BMP8B: variants seen among roughly 807,000 people sequenced by gnomAD.
BMP8B encodes bone morphogenetic protein 8b.
Under a neutral mutation model 30.3 loss-of-function variants are expected in BMP8B, and 17 were observed. The observed-to-expected ratio is 0.56, with a 90% confidence interval of 0.38 to 0.84. The LOEUF (loss-of-function observed/expected upper bound fraction) is 0.84. Ranked by LOEUF, BMP8B falls within the 40% of genes least tolerant of loss-of-function variation. The probability of loss-of-function intolerance (pLI) is 0.00; values close to 1 mark genes in which losing one functional copy is unlikely to be tolerated. For missense variants in BMP8B, 253 were observed against 494.6 expected (o/e 0.51, Z 4.63); for synonymous variants, 131 against 214.7 (o/e 0.61, Z 3.41).
In BMP8B at chr1:39,774,936, A is replaced by C. The variant is rs1650115816; in HGVS notation, c.437T>G (p.Phe146Cys). Residue 146 changes from phenylalanine to cysteine, a missense_variant, in exon 2 of 7, where the codon TTC becomes TGC. Physicochemically the swap from Phe to Cys is radical, Grantham distance 205. Coordinates refer to ENST00000372827, the MANE Select transcript of BMP8B (RefSeq NM_001720.5). ...PAGEAVTAAE[F>C]RIYKVPSIHL... ...GATGCTGGGCACCTTGTAAATCCGGAACTCCGCAGCTGTGACCGCCTCCCC... is the reference window on the plus strand; with the variant it reads ...GATGCTGGGCACCTTGTAAATCCGGCACTCCGCAGCTGTGACCGCCTCCCC... 3 of 1,198,828 alleles carry C rather than the reference A, an allele frequency of 2.5e-6. No homozygotes were observed. Among genetic ancestry groups the C allele is most frequent in the Admixed American group, 2.2e-5 (1 of 46,154 alleles). 74.3% of individuals were successfully genotyped at this position (1,198,828 alleles called of 1,614,324 possible).
At chr1:39,775,818 C>A (rs1468000467) in intron 1 of BMP8B, among the ~76,000 whole-genome samples, 2 of 152,058 alleles carry the variant, frequency 1.3e-5, no homozygotes, top group East Asian at 1.9e-4. Flanking sequence ...CCCAGAGAGG[C>A]CAGTCAGGTG....
chr1:39,787,709 C>G (rs952439942), intron 1 of BMP8B, among the ~76,000 whole-genome samples: 2 of 152,142 alleles, frequency 1.3e-5, no homozygotes, highest in African/African-American at 4.8e-5. Context: ...ACTCAGGGCA[C>G]GCGACTCAGC....
In BMP8B at chr1:39,763,171, G is replaced by A. The variant is rs1233086770; in HGVS notation, c.980C>T (p.Ala327Val). ...GGAGCACTCCCCCTCACAGTAATAG[G>A]CCGAGTAGCCTTGGGGAGCGATGAC... ...DWVIAPQGYS[A>V]YYCEGECSFP... The change falls in exon 6 of 7, where the codon GCC (alanine) becomes GTC (valine). Residue 327 changes from alanine to valine, a missense_variant. Ala to Val is a moderately conservative substitution (Grantham distance 64, BLOSUM62 0). This residue lies in a region of BMP8B where 116 missense variants were observed against 142.3 expected (regional missense o/e 0.81). Coordinates refer to ENST00000372827, the MANE Select transcript of BMP8B (RefSeq NM_001720.5). 6.2e-7 allele frequency: 1 copy of A among 1,613,840 alleles called. No homozygotes were observed. Among genetic ancestry groups the A allele is most frequent in the Admixed American group, 1.7e-5 (1 of 60,006 alleles).
chr1:39,768,584 G>C (rs1649751766), intron 3 of BMP8B, among the ~76,000 whole-genome samples: 1 of 149,918 alleles, frequency 6.7e-6, no homozygotes. Flanking sequence ...AAGAAGGCTG[G>C]GTGCAATGGC....
In BMP8B at chr1:39,759,067, C is replaced by T. The variant is rs905636981; in HGVS notation, c.*1352G>A. On this transcript the variant is annotated 3_prime_UTR_variant, in exon 7 of 7. Transcript: ENST00000372827. ...ATGACACGGTTTGGGCAGCTGGACT[C>T]TGTCTATTCCAGCAGGTAAATTACA... 16 of 152,260 alleles carry T rather than the reference C, an allele frequency of 1.1e-4. No individual in the cohort carries two copies. The highest frequency in any genetic ancestry group is 3.9e-4 in the African/African-American group (16 of 41,460). 9.4% of individuals were successfully genotyped at this position (152,260 alleles called of 1,614,324 possible).
intron 6 of BMP8B, 112 bp from the exon 7 acceptor site, chr1:39,760,680 C>T: frequency 7.4e-7 from 1 of 1,343,638 alleles, no homozygotes; most frequent in African/African-American, 1.5e-5. Context: ...CTCCAGGCCA[C>T]ATGGGAGCAG....
intron 1 of BMP8B, among the ~76,000 whole-genome samples, chr1:39,786,432 C>T (rs1186590099): frequency 6.6e-6 from 1 of 152,202 alleles, no homozygotes; most frequent in East Asian, 1.9e-4. Context: ...CACCAGGCAC[C>T]TCATTTTACA....
At chr1:39,762,728 G>A (rs1165434477) in intron 6 of BMP8B, 52 of 1,431,538 alleles carry the variant, frequency 3.6e-5, no homozygotes, top group South Asian at 2.9e-5. Flanking sequence ...CGTACTCGGC[G>A]GCCCGTGTGC....
chr1:39,779,174 G>A lies in BMP8B; in HGVS notation c.335-4136C>T, dbSNP rs371689159. 6.5e-4 allele frequency among the ~76,000 whole-genome samples: 99 copies of A among 152,316 alleles called. 2 individuals carry two copies. In the South Asian group the frequency reaches 0.012, roughly 18 times the overall value. On this transcript the variant is annotated intron_variant, in intron 1 of 6. Coordinates refer to ENST00000372827, the MANE Select transcript of BMP8B (RefSeq NM_001720.5). ...TATCAACAGACACCCGAGAATGCCCGTGAAGCCACCTTCCTCCAGGCAGGG... is the reference window on the plus strand; with the variant it reads ...TATCAACAGACACCCGAGAATGCCCATGAAGCCACCTTCCTCCAGGCAGGG...
intron 3 of BMP8B, chr1:39,770,906 C>T: frequency 1.1e-6 from 1 of 901,522 alleles, no homozygotes; most frequent in Non-Finnish European, 1.7e-6. Flanking sequence ...GGTGTTCTCG[C>T]CCACGTAGGA....
In BMP8B at chr1:39,783,285, C is replaced by T. The variant is rs112586907; in HGVS notation, c.334+4867G>A. ...TATCTGCTCCTGTGGGTCTGTGCAT[C>T]CAGGACCCGGGGCCAGTCACTTACA... is the stretch of plus-strand genomic sequence containing the variant. On this transcript the variant is annotated intron_variant, in intron 1 of 6. Transcript: ENST00000372827. Among the ~76,000 whole-genome samples the T allele has an allele frequency of 5.9e-5, 9 of 152,252 alleles. 1 individual carries two copies. Among genetic ancestry groups the T allele is most frequent in the African/African-American group, 2.2e-4 (9 of 41,546 alleles).
At chr1:39,778,041 C>T (rs990161857) in intron 1 of BMP8B, among the ~76,000 whole-genome samples, 5 of 152,258 alleles carry the variant, frequency 3.3e-5, no homozygotes, top group East Asian at 3.9e-4. Context: ...CTTGGAGGGC[C>T]GGGACGGAGC....
intron 3 of BMP8B, among the ~76,000 whole-genome samples, chr1:39,765,204 C>G: frequency 6.7e-6 from 1 of 149,036 alleles, no homozygotes; most frequent in Non-Finnish European, 1.5e-5. Flanking sequence ...AGTCCTACTG[C>G]CAGTGACTCC....
At chr1:39,783,016 TGAACTCC>T (rs1054391673) in intron 1 of BMP8B, among the ~76,000 whole-genome samples, 32 of 152,218 alleles carry the variant, frequency 2.1e-4, no homozygotes, top group African/African-American at 7.5e-4. Flanking sequence ...AGGCTGGTCT[TGAACTCC>T]TGACCTCAAG....
At chr1:39,775,507 G>C (rs879237045) in intron 1 of BMP8B, among the ~76,000 whole-genome samples, 3 of 152,144 alleles carry the variant, frequency 2.0e-5, no homozygotes, top group Non-Finnish European at 2.9e-5. Context: ...GGGACACAAG[G>C]CATCCAGAGC....
In BMP8B at chr1:39,759,659, A is replaced by G. The variant is rs897519287; in HGVS notation, c.*760T>C. 6.6e-6 allele frequency: 1 copy of G among 152,298 alleles called. No individual in the cohort carries two copies. Among genetic ancestry groups the G allele is most frequent in the Non-Finnish European group, 1.5e-5 (1 of 68,072 alleles). The allele number at this position is 152,298 out of a possible 1,614,324, so 9.4% of individuals were successfully genotyped here. On this transcript the variant is annotated 3_prime_UTR_variant, in exon 7 of 7. Coordinates refer to ENST00000372827, the MANE Select transcript of BMP8B (RefSeq NM_001720.5). ...ACAGAGCTGAGCTCCTGGTGGGGCAACATGGTGGCAGATAGATGGGTCAAT... is the reference window on the plus strand; with the variant it reads ...ACAGAGCTGAGCTCCTGGTGGGGCAGCATGGTGGCAGATAGATGGGTCAAT...
rs1426452225 is a variant in BMP8B, at chr1:39,760,065, C to T, written c.*354G>A. 1 of 293,958 alleles carries T rather than the reference C, an allele frequency of 3.4e-6. No homozygotes were observed. The highest frequency in any genetic ancestry group is 2.2e-5 in the African/African-American group (1 of 46,432). 18.2% of individuals were successfully genotyped at this position (293,958 alleles called of 1,614,324 possible). A position where few individuals can be genotyped will look rare whatever the true frequency, so the allele number is the denominator to read the frequency against. ...AGGTGCCTCTCAGGTCATTCCACATCTATCTCACGACCTGAGCCAGTAAGG... is the reference window on the plus strand; with the variant it reads ...AGGTGCCTCTCAGGTCATTCCACATTTATCTCACGACCTGAGCCAGTAAGG... On this transcript the variant is annotated 3_prime_UTR_variant, in exon 7 of 7. Transcript: ENST00000372827.
In BMP8B at chr1:39,778,345, G is replaced by C. The variant is rs529079909; in HGVS notation, c.335-3307C>G. On this transcript the variant is annotated intron_variant, in intron 1 of 6. Coordinates refer to ENST00000372827, the MANE Select transcript of BMP8B (RefSeq NM_001720.5). ...CAGCGGCTCCCCCAGAGCCCCGGGT[G>C]CATGGGCTGGGCCTGCCTGGCTGGT... Among the ~76,000 whole-genome samples, 185 of 151,906 alleles carry C rather than the reference G, an allele frequency of 1.2e-3. 1 individual carries two copies. The highest frequency in any genetic ancestry group is 4.3e-3 in the African/African-American group (177 of 41,448).
At position 39,788,679 on chromosome 1, in the gene BMP8B, G is replaced by A. The variant is rs1373272012; in HGVS notation, c.-194C>T. On this transcript the variant is annotated 5_prime_UTR_variant, in exon 1 of 7. Transcript: ENST00000372827. The surrounding 1 kb of genome is among the most constrained non-coding windows in gnomAD (Gnocchi z 5.8). The stretch of plus-strand genomic sequence containing the variant: ...CGCCCGCCGCGCGACACCTGTCCTG[G>A]CTCCTGGACGAGAGGACGCGGACGC... 6 of 346,606 alleles carry A rather than the reference G, an allele frequency of 1.7e-5. No homozygotes were observed. The highest frequency in any genetic ancestry group is 2.4e-5 in the Non-Finnish European group (6 of 246,448). The allele number at this position is 346,606 out of a possible 1,614,324, so 21.5% of individuals were successfully genotyped here. A position where few individuals can be genotyped will look rare whatever the true frequency, so the allele number is the denominator to read the frequency against.
Sources: gnomAD v4.1 joint callset for allele counts (sites outside exome capture counted in the v4.1 genomes callset) on GRCh38, gnomAD v4.1.1 for gene constraint, gnomAD v4.1.1 regional missense constraint, Gnocchi (gnomAD v3.1) non-coding constraint, MANE v1.5 for transcripts, NCBI Gene and HGNC (gene_info 2026-07-23, HGNC 2026-07-21) for gene names.